The following STAB2 variants were observed in gnomAD, a reference collection of about 807,000 sequenced individuals.
The protein encoded by STAB2 is stabilin 2.
In STAB2, 288 loss-of-function variants were observed where a neutral mutation model predicts 338.1. The ratio of observed to expected loss-of-function variants is 0.85; its 90% CI spans 0.77 to 0.94. STAB2 has a LOEUF of 0.94. STAB2 is among the 40% of genes least tolerant of loss of function. STAB2 has a pLI of 0.00. For missense variants in STAB2, 3,141 were observed against 3,210.1 expected, an observed-to-expected ratio of 0.98 and a Z score of 0.52; for synonymous variants, 1,202 against 1,193.3, an observed-to-expected ratio of 1.01 and a Z score of -0.15.
chr12:103,661,691 C>CA (rs1249084755), intron 17 of STAB2, among the ~76,000 whole-genome samples: 65 of 152,270 alleles, frequency 4.3e-4, no homozygotes, highest in African/African-American at 1.5e-3. Context: ...AACATCTGAA[C>CA]AAAACCTGAA....
intron 55 of STAB2, among the ~76,000 whole-genome samples, chr12:103,742,039 T>G (rs1372093365): frequency 6.6e-6 from 1 of 152,140 alleles, no homozygotes. Context: ...CATTTGATCT[T>G]CACAATAACA....
intron 8 of STAB2, 72 bp from the exon 9 acceptor site, chr12:103,640,051 A>C (rs550611772): frequency 6.6e-7 from 1 of 1,512,432 alleles, no homozygotes; most frequent in Non-Finnish European, 8.9e-7. Context: ...ATAAAAATAC[A>C]AATTAAAGAA....
intron 56 of STAB2, among the ~76,000 whole-genome samples, chr12:103,742,927 T>G (rs1882700543): frequency 6.6e-6 from 1 of 152,180 alleles, no homozygotes; most frequent in African/African-American, 2.4e-5. Flanking sequence ...TAACCACCCT[T>G]TGAGATAGGT....
chr12:103,743,747 C>T (rs1481361275), intron 56 of STAB2, among the ~76,000 whole-genome samples: 1 of 152,178 alleles, frequency 6.6e-6, no homozygotes, highest in East Asian at 1.9e-4. Flanking sequence ...AGCTTTCCTC[C>T]AGGTGAGATG....
intron 10 of STAB2, among the ~76,000 whole-genome samples, chr12:103,649,170 A>G (rs1163724141): frequency 6.6e-6 from 1 of 152,188 alleles, no homozygotes; most frequent in Non-Finnish European, 1.5e-5. Context: ...TAGATCCTTC[A>G]GGTATGAACA....
chr12:103,641,461 A>G (rs947350315), intron 9 of STAB2, among the ~76,000 whole-genome samples: 3 of 152,220 alleles, frequency 2.0e-5, no homozygotes, highest in Non-Finnish European at 2.9e-5. Context: ...TCTGAGAAGA[A>G]GATGGCACCT....
At chr12:103,606,758 G>C (rs936361111) in intron 3 of STAB2, among the ~76,000 whole-genome samples, 36 of 152,146 alleles carry the variant, frequency 2.4e-4, no homozygotes, top group African/African-American at 8.7e-4. Context: ...GATGAGACAG[G>C]TGGATCACGA....
chr12:103,746,247 A>G (rs1307902042), intron 57 of STAB2: 2 of 198,142 alleles, frequency 1.0e-5, no homozygotes, highest in Non-Finnish European at 2.1e-5. Context: ...CAATTTAACC[A>G]TATCCATCGG....
intron 26 of STAB2, among the ~76,000 whole-genome samples, chr12:103,684,430 A>G (rs1236614475): frequency 6.6e-6 from 1 of 152,148 alleles, no homozygotes; most frequent in Non-Finnish European, 1.5e-5. Flanking sequence ...AGATGCCCCC[A>G]AGGTGTCTGT....
chr12:103,701,316 G>A (rs1313982538), intron 34 of STAB2, among the ~76,000 whole-genome samples: 25 of 152,142 alleles, frequency 1.6e-4, no homozygotes, highest in African/African-American at 5.5e-4. Context: ...ATAAACATAC[G>A]TGTGCATATG....
chr12:103,687,219 T>A (rs1160603001), intron 27 of STAB2, among the ~76,000 whole-genome samples: 47 of 152,166 alleles, frequency 3.1e-4, no homozygotes, highest in Admixed American at 3.1e-3. Flanking sequence ...CATTTTCAGA[T>A]AAAGCACTTG....
intron 63 of STAB2, 146 bp downstream of exon 63, chr12:103,755,864 T>C: frequency 1.4e-6 from 1 of 702,256 alleles, no homozygotes; most frequent in Non-Finnish European, 2.4e-6. Flanking sequence ...TAAAGCCTAG[T>C]TTTGCCACTC....
intron 1 of STAB2, among the ~76,000 whole-genome samples, chr12:103,588,369 A>G (rs901040563): frequency 6.6e-6 from 1 of 152,196 alleles, no homozygotes; most frequent in African/African-American, 2.4e-5. Context: ...TTTAACAAAT[A>G]GGTCTGAGGA....
chr12:103,667,572 T>C (rs959314381), intron 19 of STAB2, among the ~76,000 whole-genome samples: 3 of 152,146 alleles, frequency 2.0e-5, no homozygotes, highest in South Asian at 2.1e-4. Context: ...ATTAGACACA[T>C]GGGTAGGAGC....
intron 31 of STAB2, among the ~76,000 whole-genome samples, chr12:103,694,561 G>T (rs903923009): frequency 2.6e-5 from 4 of 152,178 alleles, no homozygotes; most frequent in South Asian, 2.1e-4. Context: ...AAACAAATTT[G>T]CATGGCTGTA....
chr12:103,625,575 G>T (rs971791732), intron 5 of STAB2, among the ~76,000 whole-genome samples: 2 of 151,962 alleles, frequency 1.3e-5, no homozygotes, highest in Non-Finnish European at 2.9e-5. Flanking sequence ...TGTTCTCATT[G>T]TTCAGTTCCT....
intron 3 of STAB2, among the ~76,000 whole-genome samples, chr12:103,613,415 G>A (rs995018377): frequency 2.1e-4 from 32 of 152,226 alleles, no homozygotes; most frequent in East Asian, 7.7e-4. Context: ...CCTCGCTGCC[G>A]CCTTGCAGTT....
At chr12:103,590,317 T>C (rs1292144848) in intron 1 of STAB2, among the ~76,000 whole-genome samples, 1 of 152,200 alleles carries the variant, frequency 6.6e-6, no homozygotes, top group Non-Finnish European at 1.5e-5. Flanking sequence ...GGTACAACAG[T>C]GGACAAAACA....
chr12:103,707,047 G>T (rs1284960840), intron 38 of STAB2, 60 bp downstream of exon 38: 2 of 1,573,714 alleles, frequency 1.3e-6, no homozygotes, highest in Non-Finnish European at 1.7e-6. Flanking sequence ...GGAATATGCA[G>T]GGAAAGAGTG....
Sources: gnomAD v4.1 joint callset for allele counts (sites outside exome capture counted in the v4.1 genomes callset) on GRCh38, gnomAD v4.1.1 for gene constraint, MANE v1.5 for transcripts, NCBI Gene and HGNC (gene_info 2026-07-23, HGNC 2026-07-21) for gene names.